PDE4D: variants seen among roughly 807,000 people sequenced by gnomAD.
The protein encoded by PDE4D is 3',5'-cyclic-AMP phosphodiesterase 4D.
Under a neutral mutation model 87.4 loss-of-function variants are expected in PDE4D, and 24 were observed. That is an observed-to-expected ratio of 0.27 (90% CI 0.20 to 0.39). The LOEUF (loss-of-function observed/expected upper bound fraction) is 0.39, where lower values mean the gene tolerates loss of function less well. PDE4D is among the 10% of genes least tolerant of loss of function. The pLI is 1.00. For missense variants in PDE4D, 714 were observed against 1,041.0 expected (o/e 0.69, Z 4.32); for synonymous variants, 384 against 383.2 (o/e 1.00, Z -0.02).
At chr5:59,123,375 C>T (rs753733136) in intron 5 of PDE4D, among the ~76,000 whole-genome samples, 1 of 152,142 alleles carries the variant, frequency 6.6e-6, no homozygotes, top group Non-Finnish European at 1.5e-5. Context: ...CCTTTTTCTG[C>T]CCATTCTGGT....
At chr5:59,085,437 CTTA>C (rs560326417) in intron 5 of PDE4D, among the ~76,000 whole-genome samples, 76 of 152,110 alleles carry the variant, frequency 5.0e-4, no homozygotes, top group Non-Finnish European at 8.2e-4. Context: ...CTCCCCCTTG[CTTA>C]TTATTATTTT....
intron 3 of PDE4D, among the ~76,000 whole-genome samples, chr5:59,977,918 T>C (rs1582008101): frequency 6.6e-6 from 1 of 152,146 alleles, no homozygotes; most frequent in Admixed American, 6.5e-5. Context: ...CTGTGCTTTA[T>C]AAATAAAAAA....
intron 1 of PDE4D, among the ~76,000 whole-genome samples, chr5:59,722,053 C>G (rs1268822170): frequency 6.6e-6 from 1 of 152,156 alleles, no homozygotes; most frequent in Admixed American, 6.6e-5. Flanking sequence ...CAAATACTTA[C>G]TCCCTTTTGG....
At chr5:59,547,417 T>C (rs974415313) in intron 1 of PDE4D, among the ~76,000 whole-genome samples, 12 of 152,218 alleles carry the variant, frequency 7.9e-5, no homozygotes, top group Non-Finnish European at 1.0e-4. Flanking sequence ...CAAATTAGAA[T>C]TTAACACCTT....
chr5:59,477,383 T>C (rs1803479541), intron 1 of PDE4D, among the ~76,000 whole-genome samples: 1 of 141,282 alleles, frequency 7.1e-6, no homozygotes, highest in Admixed American at 6.9e-5. Context: ...AATTAAAGAA[T>C]CTCTACAAAA....
At chr5:59,438,226 A>G (rs985806176) in intron 1 of PDE4D, among the ~76,000 whole-genome samples, 2 of 152,228 alleles carry the variant, frequency 1.3e-5, no homozygotes, top group African/African-American at 4.8e-5. Context: ...GCCAAATCAT[A>G]TCAGTAATTC....
chr5:60,095,635 C>T (rs1205585176), intron 2 of PDE4D, among the ~76,000 whole-genome samples: 3 of 152,160 alleles, frequency 2.0e-5, no homozygotes, highest in Non-Finnish European at 2.9e-5. Context: ...CACTGTCTTC[C>T]ACAATGGAAT....
chr5:59,175,157 C>G (rs2153475139), intron 5 of PDE4D, among the ~76,000 whole-genome samples: 1 of 152,308 alleles, frequency 6.6e-6, no homozygotes, highest in East Asian at 1.9e-4. Context: ...GCATCTCTGA[C>G]TCTTTGCCAC....
At chr5:59,009,994 T>C (rs1297967151) in intron 6 of PDE4D, among the ~76,000 whole-genome samples, 1 of 152,168 alleles carries the variant, frequency 6.6e-6, no homozygotes, top group Non-Finnish European at 1.5e-5. Flanking sequence ...CACATTAGCT[T>C]TAATGATACA....
chr5:60,110,428 C>T (rs1364133331), intron 2 of PDE4D, among the ~76,000 whole-genome samples: 1 of 151,894 alleles, frequency 6.6e-6, no homozygotes, highest in Non-Finnish European at 1.5e-5. Flanking sequence ...TGCTGAACAT[C>T]ACTAATCATC....
chr5:59,901,501 A>G (rs1023090770), intron 3 of PDE4D, among the ~76,000 whole-genome samples: 2 of 152,204 alleles, frequency 1.3e-5, no homozygotes, highest in Non-Finnish European at 2.9e-5. Flanking sequence ...AAGTGAGAGG[A>G]TAAGTCATAA....
chr5:59,662,462 T>G (rs1745413721), intron 1 of PDE4D, among the ~76,000 whole-genome samples: 3 of 152,238 alleles, frequency 2.0e-5, no homozygotes, highest in Admixed American at 6.5e-5. Context: ...CAAAACCATT[T>G]GAATCCTTTT....
chr5:59,784,429 C>G (rs1353158000), intron 1 of PDE4D, among the ~76,000 whole-genome samples: 1 of 152,124 alleles, frequency 6.6e-6, no homozygotes, highest in African/African-American at 2.4e-5. Flanking sequence ...AATAAAATCT[C>G]TGGCAGAAGA....
At chr5:59,137,871 A>C (rs1161892659) in intron 5 of PDE4D, among the ~76,000 whole-genome samples, 2 of 152,206 alleles carry the variant, frequency 1.3e-5, no homozygotes, top group African/African-American at 4.8e-5. Flanking sequence ...CCCTGAGGGA[A>C]TATGGGATTA....
chr5:60,230,889 A>G (rs1745728820), intron 1 of PDE4D, among the ~76,000 whole-genome samples: 1 of 152,030 alleles, frequency 6.6e-6, no homozygotes, highest in Non-Finnish European at 1.5e-5. Context: ...TAAACTCTAG[A>G]AGATGTCAGT....
chr5:59,774,364 A>G (rs1271461983), intron 1 of PDE4D, among the ~76,000 whole-genome samples: 1 of 152,182 alleles, frequency 6.6e-6, no homozygotes, highest in East Asian at 1.9e-4. Flanking sequence ...GAAGTCAAAA[A>G]TTCATCAGAT....
intron 5 of PDE4D, 156 bp downstream of exon 5, chr5:59,180,439 T>C (rs1387563815): frequency 1.4e-6 from 1 of 736,074 alleles, no homozygotes; most frequent in African/African-American, 1.7e-5. Context: ...CTTAGACAAT[T>C]TGTGAGATCA....
chr5:59,728,859 G>A (rs1435193575), intron 1 of PDE4D, among the ~76,000 whole-genome samples: 3 of 151,980 alleles, frequency 2.0e-5, no homozygotes, highest in African/African-American at 4.8e-5. Context: ...ACTCTCAGTT[G>A]TTACAAGTAC....
chr5:59,112,605 G>A (rs1275170975), intron 5 of PDE4D, among the ~76,000 whole-genome samples: 3 of 152,046 alleles, frequency 2.0e-5, no homozygotes, highest in African/African-American at 7.2e-5. Context: ...TAATGTATTA[G>A]ATACGAGATG....
Sources: allele counts gnomAD v4.1 joint callset (sites outside exome capture counted in the v4.1 genomes callset), GRCh38; gene constraint gnomAD v4.1.1; transcripts MANE v1.5; gene names NCBI Gene and HGNC (gene_info 2026-07-23, HGNC 2026-07-21).